Variants in ZPBP observed in about 807,000 individuals in gnomAD.
ZPBP encodes zona pellucida-binding protein 1.
A neutral mutation model predicts 44.8 loss-of-function variants in ZPBP; 26 were observed. The ratio of observed to expected loss-of-function variants is 0.58; its 90% CI spans 0.43 to 0.81. The LOEUF (loss-of-function observed/expected upper bound fraction) is 0.81. ZPBP is among the 30% of genes least tolerant of loss of function. ZPBP has a pLI of 0.00. For missense variants in ZPBP, 409 were observed against 434.0 expected (o/e 0.94, Z 0.51); for synonymous variants, 174 against 153.2 (o/e 1.14, Z -1.00).
chr7:49,855,506 T>C (rs691878), intron 2 of ZPBP, among the ~76,000 whole-genome samples: 15,915 of 152,048 alleles, frequency 0.1, 2,449 homozygotes, highest in African/African-American at 0.34. Context: ...GGACAGATGT[T>C]GTGGAGAGAG....
At chr7:50,055,579 T>C (rs1800899773) in intron 4 of ZPBP, among the ~76,000 whole-genome samples, 1 of 152,172 alleles carries the variant, frequency 6.6e-6, no homozygotes, top group Non-Finnish European at 1.5e-5. Flanking sequence ...TTAACCACTC[T>C]GTTTCCTTAC....
At chr7:50,074,179 T>G (rs1342713829) in intron 3 of ZPBP, among the ~76,000 whole-genome samples, 3 of 152,126 alleles carry the variant, frequency 2.0e-5, no homozygotes, top group Non-Finnish European at 4.4e-5. Context: ...TTTCTTTTTG[T>G]TTGTTTATGC....
chr7:49,867,878 T>C (rs1790976922), intron 2 of ZPBP, among the ~76,000 whole-genome samples: 1 of 151,786 alleles, frequency 6.6e-6, no homozygotes, highest in South Asian at 2.1e-4. Flanking sequence ...CTGTTGCCCA[T>C]GCTGGAGTGC....
At chr7:49,899,773 A>C (rs1413949214) in intron 2 of ZPBP, among the ~76,000 whole-genome samples, 3 of 151,946 alleles carry the variant, frequency 2.0e-5, no homozygotes, top group Non-Finnish European at 4.4e-5. Context: ...CGGGAAGCTG[A>C]AAAATCAGTA....
chr7:49,927,356 A>G (rs1411640953), intron 1 of ZPBP, among the ~76,000 whole-genome samples: 1 of 152,194 alleles, frequency 6.6e-6, no homozygotes, highest in Non-Finnish European at 1.5e-5. Context: ...GCAGAGTCCA[A>G]AATTACAGAG....
intron 2 of ZPBP, among the ~76,000 whole-genome samples, chr7:49,894,392 C>G (rs1163145683): frequency 6.6e-6 from 1 of 152,164 alleles, no homozygotes; most frequent in Non-Finnish European, 1.5e-5. Flanking sequence ...CTCGGCCTCC[C>G]AAAGTGTTAT....
chr7:49,978,994 T>A (rs1796655383), intron 7 of ZPBP, among the ~76,000 whole-genome samples: 1 of 152,052 alleles, frequency 6.6e-6, no homozygotes, highest in South Asian at 2.1e-4. Context: ...TTATTAACCA[T>A]AAGATGGCAC....
At chr7:50,077,293 C>G (rs180777349) in intron 3 of ZPBP, among the ~76,000 whole-genome samples, 1 of 146,074 alleles carries the variant, frequency 6.8e-6, no homozygotes, top group Admixed American at 6.9e-5. Context: ...AACTCTGAAA[C>G]TATTATAAAC....
At chr7:50,078,540 T>TA (rs1241914321) in intron 3 of ZPBP, among the ~76,000 whole-genome samples, 14 of 148,814 alleles carry the variant, frequency 9.4e-5, no homozygotes, top group South Asian at 4.2e-4. Flanking sequence ...TACCTAAAAT[T>TA]AAAAAAAAAT....
At chr7:49,936,101 G>T (rs189995818), downstream of ZPBP, 67 of 152,266 alleles carry the variant, frequency 4.4e-4, no homozygotes, top group African/African-American at 1.6e-3. Context: ...GGAAACTTTA[G>T]ATTACACTGC....
intron 2 of ZPBP, among the ~76,000 whole-genome samples, chr7:49,882,519 A>G (rs1791711911): frequency 6.6e-6 from 1 of 152,074 alleles, no homozygotes. Context: ...AGAGAAAAAG[A>G]GAGACAGAGG....
downstream of ZPBP, among the ~76,000 whole-genome samples, chr7:49,934,185 A>T (rs1359431094): frequency 2.0e-5 from 3 of 152,138 alleles, no homozygotes; most frequent in Non-Finnish European, 4.4e-5. Flanking sequence ...TGTGGGCTTC[A>T]TCCTCAAGCT....
intron 1 of ZPBP, chr7:49,919,470 C>T (rs1397394141): frequency 6.6e-6 from 1 of 152,040 alleles, no homozygotes; most frequent in Non-Finnish European, 1.5e-5. Context: ...ATGAAGTTAC[C>T]ATTGTATGTT....
intron 2 of ZPBP, among the ~76,000 whole-genome samples, chr7:50,084,064 C>T (rs1298176445): frequency 6.6e-6 from 1 of 151,732 alleles, no homozygotes; most frequent in Non-Finnish European, 1.5e-5. Flanking sequence ...GCATTTATAA[C>T]TGGAATATAA....
intron 1 of ZPBP, chr7:49,917,347 T>C (rs896306227): frequency 2.0e-5 from 3 of 152,196 alleles, no homozygotes; most frequent in African/African-American, 7.2e-5. Flanking sequence ...CCATTGAATA[T>C]TAAGTGACAC....
At chr7:50,036,051 T>C (rs1010443160) in intron 4 of ZPBP, among the ~76,000 whole-genome samples, 4 of 152,190 alleles carry the variant, frequency 2.6e-5, no homozygotes, top group Non-Finnish European at 4.4e-5. Context: ...AAACATTTGG[T>C]AAATTGCATG....
intron 6 of ZPBP, among the ~76,000 whole-genome samples, chr7:50,003,821 G>GA (rs1256109799): frequency 2.0e-5 from 3 of 150,916 alleles, no homozygotes; most frequent in Non-Finnish European, 4.4e-5. Flanking sequence ...AAAGAAACAG[G>GA]AAAAAAAATT....
At chr7:49,994,227 C>T (rs1414789630) in intron 6 of ZPBP, among the ~76,000 whole-genome samples, 2 of 152,210 alleles carry the variant, frequency 1.3e-5, no homozygotes, top group Non-Finnish European at 2.9e-5. Context: ...ATGTCCCAGG[C>T]AGGAGGCTGT....
chr7:49,871,800 T>C (rs1791158102), intron 2 of ZPBP, among the ~76,000 whole-genome samples: 1 of 150,566 alleles, frequency 6.6e-6, no homozygotes, highest in Non-Finnish European at 1.5e-5. Context: ...TGTAATTACA[T>C]TTAAGGGAAA....
Sources: gnomAD v4.1 joint callset for allele counts (sites outside exome capture counted in the v4.1 genomes callset) on GRCh38, gnomAD v4.1.1 for gene constraint, MANE v1.5 for transcripts, NCBI Gene and HGNC (gene_info 2026-07-23, HGNC 2026-07-21) for gene names.